SP100: variants seen among roughly 807,000 people sequenced by gnomAD.
SP100 encodes the protein nuclear autoantigen Sp-100.
SP100 carries 84 observed loss-of-function variants against 130.0 expected under a neutral mutation model. That is an observed-to-expected ratio of 0.65 (90% CI 0.54 to 0.77). The LOEUF is 0.77. SP100 is among the 30% of genes least tolerant of loss of function. The pLI, the probability that SP100 is intolerant of heterozygous loss-of-function variation, is 0.00. For missense variants in SP100, 978 were observed against 1,052.2 expected (o/e 0.93, Z 0.97); for synonymous variants, 331 against 351.7 (o/e 0.94, Z 0.66).
In SP100 at chr2:230,446,825, A is replaced by G. The variant is rs367818548; in HGVS notation, c.446A>G (p.His149Arg). 44 of 1,604,632 alleles carry G rather than the reference A, an allele frequency of 2.7e-5. No homozygotes were observed. The highest frequency in any genetic ancestry group is 3.8e-5 in the Non-Finnish European group (44 of 1,171,974). ...TCTCTCTCCCACTCTTCAGTAATCC[A>G]TGACAAATTGCCTCTCCAAGAAAGT... ...HIYKGFENVI[H>R]DKLPLQESEE... is the part of the protein sequence containing the mutation. Residue 149 changes from histidine to arginine, a missense_variant, in exon 5 of 29, where the codon CAT becomes CGT. Physicochemically the swap from His to Arg is conservative, Grantham distance 29. Transcript: ENST00000340126.
chr2:230,458,265 GAAGT>G (rs773479838), intron 8 of SP100, among the ~76,000 whole-genome samples: 1 of 152,192 alleles, frequency 6.6e-6, no homozygotes, highest in Non-Finnish European at 1.5e-5. Context: ...TTCTCACAAT[GAAGT>G]AAGATCTCCA....
chr2:230,537,623 C>T (rs938414945), intron 24 of SP100: 1 of 152,226 alleles, frequency 6.6e-6, no homozygotes. Context: ...TATGACCTCC[C>T]AGCCCTTACT....
chr2:230,500,675 A>G (rs929800691), intron 19 of SP100, among the ~76,000 whole-genome samples: 2 of 152,110 alleles, frequency 1.3e-5, no homozygotes, highest in African/African-American at 4.8e-5. Flanking sequence ...TGGGGGAAGG[A>G]GGAGAGAAGA....
In SP100 at chr2:230,466,959, A is replaced by C. The variant is rs1254309861; in HGVS notation, c.1196-161A>C. On this transcript the variant is annotated intron_variant, in intron 12 of 28. Coordinates refer to ENST00000340126, the MANE Select transcript of SP100 (RefSeq NM_001080391.2). The stretch of plus-strand genomic sequence containing the variant: ...ACTAACCTTGAGCCACACAAATCTG[A>C]ATGAAAAGGCAGATCATGGAGGTTT... Among the ~76,000 whole-genome samples the C allele has an allele frequency of 3.5e-5, 5 of 140,850 alleles. No homozygotes were observed. The Admixed American group carries it at 3.6e-4, about 10-fold the overall frequency. The allele number at this position is 140,850 out of a possible 152,430, so 92.4% of individuals were successfully genotyped here. A position where few individuals can be genotyped will look rare whatever the true frequency, so the allele number is the denominator to read the frequency against.
intron 19 of SP100, among the ~76,000 whole-genome samples, chr2:230,502,243 G>A (rs1292090625): frequency 6.6e-6 from 1 of 152,066 alleles, no homozygotes; most frequent in Non-Finnish European, 1.5e-5. Context: ...CTTAGGCCTT[G>A]TGCCTTAATT....
chr2:230,531,415 T>C (rs1427949760), intron 24 of SP100, among the ~76,000 whole-genome samples: 3 of 151,334 alleles, frequency 2.0e-5, no homozygotes, highest in African/African-American at 4.9e-5. Flanking sequence ...CCGGGGCCTG[T>C]TGGGGGGTTG....
intron 17 of SP100, among the ~76,000 whole-genome samples, chr2:230,479,395 TA>T (rs1299952592): frequency 6.6e-6 from 1 of 152,252 alleles, no homozygotes; most frequent in Non-Finnish European, 1.5e-5. Context: ...TATTTTCTTT[TA>T]TCTCAAAATA....
chr2:230,477,901 C>A (rs1173955432), intron 17 of SP100, among the ~76,000 whole-genome samples: 1 of 149,790 alleles, frequency 6.7e-6, no homozygotes, highest in Non-Finnish European at 1.5e-5. Flanking sequence ...CACCACTGCA[C>A]CCCAGCCTGG....
chr2:230,424,282 G>A (rs1484482669), intron 2 of SP100, among the ~76,000 whole-genome samples: 4 of 152,176 alleles, frequency 2.6e-5, no homozygotes, highest in East Asian at 3.9e-4. Flanking sequence ...AGGATTGCAA[G>A]TATGCTCAAA....
chr2:230,537,700 C>G (rs1692000588), intron 24 of SP100: 1 of 152,234 alleles, frequency 6.6e-6, no homozygotes, highest in South Asian at 2.1e-4. Context: ...CTGGGGATCC[C>G]CCGCAACCGC....
intron 20 of SP100, 109 bp downstream of exon 20, chr2:230,503,219 G>A (rs1031797926): frequency 1.5e-5 from 11 of 716,490 alleles, no homozygotes; most frequent in Non-Finnish European, 2.5e-5. Flanking sequence ...AGCTAGTACT[G>A]GAGCCTTAAC....
chr2:230,465,413 A>T (rs2064891724), intron 11 of SP100, among the ~76,000 whole-genome samples: 2 of 152,178 alleles, frequency 1.3e-5, no homozygotes, highest in African/African-American at 4.8e-5. Flanking sequence ...AAAATAAGTA[A>T]AAAAGAACGA....
At chr2:230,519,969 C>G (rs1691096432) in intron 24 of SP100, among the ~76,000 whole-genome samples, 1 of 152,168 alleles carries the variant, frequency 6.6e-6, no homozygotes, top group Admixed American at 6.5e-5. Context: ...TACCCTGAGT[C>G]TTAGAAGACA....
intron 24 of SP100, among the ~76,000 whole-genome samples, chr2:230,529,272 C>T (rs1691584387): frequency 6.6e-6 from 1 of 152,216 alleles, no homozygotes; most frequent in Non-Finnish European, 1.5e-5. Flanking sequence ...GCTGGTTCAA[C>T]ATACGCAAAT....
Position 230,542,086 on chromosome 2 carries a change from G to T in SP100, c.2547+51G>T, listed in dbSNP as rs776108297. 4.4e-6 allele frequency: 7 copies of T among 1,579,906 alleles called. No homozygotes were observed. In the South Asian group the frequency reaches 7.8e-5, roughly 18 times the overall value. ...TCTCTTTCAATTACATCACTTTAAA[G>T]TCACTTTCCCTGTCATCTTTTCATG... On this transcript the variant is annotated intron_variant, in intron 28 of 28. Coordinates refer to ENST00000340126, the MANE Select transcript of SP100 (RefSeq NM_001080391.2).
At chr2:230,472,061 C>T (rs977813329) in intron 15 of SP100, among the ~76,000 whole-genome samples, 1 of 151,908 alleles carries the variant, frequency 6.6e-6, no homozygotes, top group Admixed American at 6.6e-5. Context: ...AAAGTAATAA[C>T]CTGTGAGATA....
At chr2:230,510,157 G>C (rs979782719) in intron 23 of SP100, 1 of 152,596 alleles carries the variant, frequency 6.6e-6, no homozygotes. Context: ...TTTGTCTAAG[G>C]CCTCTCTGCC....
chr2:230,463,363 A>C (rs1649864), intron 10 of SP100, among the ~76,000 whole-genome samples: 1 of 152,078 alleles, frequency 6.6e-6, no homozygotes, highest in Non-Finnish European at 1.5e-5. Flanking sequence ...TTATCATAAC[A>C]TAAGTATGCA....
In SP100 at chr2:230,503,063, C is replaced by G; in HGVS notation, c.1721-3C>G. The G allele has an allele frequency of 6.3e-7, 1 of 1,593,138 alleles. No homozygotes were observed. The highest frequency in any genetic ancestry group is 1.1e-5 in the South Asian group (1 of 87,426). On this transcript the variant is annotated splice_region_variant and splice_polypyrimidine_tract_variant and intron_variant, in intron 19 of 28. Coordinates refer to ENST00000340126, the MANE Select transcript of SP100 (RefSeq NM_001080391.2). ...CATTTATGTTGTTTTTCAACTTTCT[C>G]AGGAAGAAAAGCCAACACTAGACCT...
Sources: gnomAD v4.1 joint callset for allele counts (sites outside exome capture counted in the v4.1 genomes callset) on GRCh38, gnomAD v4.1.1 for gene constraint, MANE v1.5 for transcripts, NCBI Gene and HGNC (gene_info 2026-07-23, HGNC 2026-07-21) for gene names.